NRG1: variants seen among roughly 807,000 people sequenced by gnomAD.
NRG1 encodes the protein neuregulin 1, also known as pro-neuregulin-1, membrane-bound isoform.
Under a neutral mutation model 63.8 loss-of-function variants are expected in NRG1, and 18 were observed. The ratio of observed to expected loss-of-function variants is 0.28; its 90% CI spans 0.19 to 0.42. The LOEUF is 0.42. NRG1 is among the 10% of genes least tolerant of loss of function. The pLI, the probability that NRG1 is intolerant of heterozygous loss-of-function variation, is 1.00. For missense variants in NRG1, 762 were observed against 814.7 expected, an observed-to-expected ratio of 0.94 and a Z score of 0.79; for synonymous variants, 302 against 301.3, an observed-to-expected ratio of 1.00 and a Z score of -0.02.
intron 1 of NRG1, among the ~76,000 whole-genome samples, chr8:32,496,930 G>A (rs993608757): frequency 2.0e-5 from 3 of 152,104 alleles, no homozygotes; most frequent in African/African-American, 7.2e-5. Context: ...AGGAAAAGCA[G>A]ATGTAAGTTC....
chr8:32,052,171 G>C (rs755269680), intron 1 of NRG1, among the ~76,000 whole-genome samples: 16 of 152,100 alleles, frequency 1.1e-4, no homozygotes, highest in Non-Finnish European at 2.4e-4. Flanking sequence ...ATCTCAAAAG[G>C]GATATTAAGC....
At chr8:32,282,458 T>C (rs1852980882) in intron 1 of NRG1, among the ~76,000 whole-genome samples, 2 of 152,242 alleles carry the variant, frequency 1.3e-5, no homozygotes, top group South Asian at 4.1e-4. Context: ...GCATGCTCTC[T>C]GTCCAGCTGT....
intron 1 of NRG1, among the ~76,000 whole-genome samples, chr8:31,758,751 G>T (rs1817234878): frequency 6.6e-6 from 1 of 152,058 alleles, no homozygotes; most frequent in Non-Finnish European, 1.5e-5. Context: ...AATTTTTTAT[G>T]CCAATTGGCT....
rs112464769 is a variant in NRG1 at position 32,533,517 on chromosome 8, T to C, written c.38-62311T>C. 3.8e-3 allele frequency among the ~76,000 whole-genome samples: 582 copies of C among 152,210 alleles called. 2 individuals are homozygous for C. Among genetic ancestry groups the C allele is most frequent in the African/African-American group, 0.013 (557 of 41,582 alleles). ...CTTTAAATAATCACAGAACACGCTG[T>C]TTTAGGATCAGGTAGAAGCTGAGAC... is the stretch of plus-strand genomic sequence containing the variant. On this transcript the variant is annotated intron_variant, in intron 1 of 10. Coordinates refer to the NRG1 transcript ENST00000519301.
At chr8:32,222,267 T>C (rs1347622494) in intron 1 of NRG1, among the ~76,000 whole-genome samples, 1 of 152,092 alleles carries the variant, frequency 6.6e-6, no homozygotes, top group Non-Finnish European at 1.5e-5. Flanking sequence ...TAAAAATGAG[T>C]GGGCTCTCAC....
chr8:31,948,975 G>A (rs544477124), intron 1 of NRG1, among the ~76,000 whole-genome samples: 6 of 152,066 alleles, frequency 3.9e-5, no homozygotes, highest in Non-Finnish European at 8.8e-5. Flanking sequence ...CAATTCAATT[G>A]CCATTCAATT....
At chr8:31,775,514 A>G (rs1457170567) in intron 1 of NRG1, among the ~76,000 whole-genome samples, 1 of 152,198 alleles carries the variant, frequency 6.6e-6, no homozygotes, top group Non-Finnish European at 1.5e-5. Flanking sequence ...GGCAATGGTC[A>G]CACTAAAAGC....
At chr8:32,362,724 A>C (rs1181953684) in intron 1 of NRG1, among the ~76,000 whole-genome samples, 1 of 152,252 alleles carries the variant, frequency 6.6e-6, no homozygotes, top group Non-Finnish European at 1.5e-5. Context: ...ATTGCAATGC[A>C]AAAGATTTTG....
intron 1 of NRG1, among the ~76,000 whole-genome samples, chr8:32,151,800 C>T (rs572341073): frequency 4.6e-5 from 7 of 152,206 alleles, no homozygotes; most frequent in African/African-American, 1.4e-4. Flanking sequence ...ACCTATGAGG[C>T]GCAGTGCCTT....
intron 1 of NRG1, among the ~76,000 whole-genome samples, chr8:32,262,917 CCA>C (rs1363575057): frequency 1.3e-5 from 2 of 152,168 alleles, no homozygotes; most frequent in Non-Finnish European, 2.9e-5. Flanking sequence ...GCCACTCATA[CCA>C]TCCCTTTATC....
intron 1 of NRG1, among the ~76,000 whole-genome samples, chr8:32,294,519 G>A (rs1854609253): frequency 6.6e-6 from 1 of 152,128 alleles, no homozygotes; most frequent in South Asian, 2.1e-4. Flanking sequence ...TTCCAGCCCT[G>A]TGTAGAATCA....
chr8:31,760,620 C>G (rs567906838), intron 1 of NRG1, among the ~76,000 whole-genome samples: 16 of 151,642 alleles, frequency 1.1e-4, no homozygotes, highest in Admixed American at 9.2e-4. Context: ...AAACAAACAA[C>G]CCCATCAAAA....
At chr8:31,906,161 C>T (rs995323581) in intron 1 of NRG1, among the ~76,000 whole-genome samples, 12 of 152,148 alleles carry the variant, frequency 7.9e-5, no homozygotes, top group African/African-American at 2.4e-5. Context: ...GCCAAAGCTG[C>T]CATTTTAAAG....
At chr8:32,366,484 T>C (rs1252855964) in intron 1 of NRG1, among the ~76,000 whole-genome samples, 1 of 152,010 alleles carries the variant, frequency 6.6e-6, no homozygotes, top group Non-Finnish European at 1.5e-5. Context: ...TCACTTAACA[T>C]AATGACATCC....
chr8:32,671,880 G>A (rs925976606), intron 5 of NRG1, among the ~76,000 whole-genome samples: 5 of 152,072 alleles, frequency 3.3e-5, no homozygotes, highest in Non-Finnish European at 7.4e-5. Context: ...TCCACTTTAA[G>A]TGAAAAGAAA....
intron 1 of NRG1, among the ~76,000 whole-genome samples, chr8:32,515,611 T>G (rs1201184001): frequency 6.6e-6 from 1 of 152,000 alleles, no homozygotes; most frequent in African/African-American, 2.4e-5. Flanking sequence ...CCCAGCTCAT[T>G]AAAAAAAATT....
chr8:32,072,033 C>G (rs1005730467), intron 1 of NRG1, among the ~76,000 whole-genome samples: 5 of 151,988 alleles, frequency 3.3e-5, no homozygotes, highest in Non-Finnish European at 7.4e-5. Context: ...TCTTTTTTAA[C>G]TTCTTAAACC....
At chr8:32,191,482 C>T (rs1842488748) in intron 1 of NRG1, among the ~76,000 whole-genome samples, 1 of 152,174 alleles carries the variant, frequency 6.6e-6, no homozygotes, top group Non-Finnish European at 1.5e-5. Flanking sequence ...CGACTCTTCC[C>T]TTCCTATGTT....
intron 1 of NRG1, among the ~76,000 whole-genome samples, chr8:31,908,430 C>T (rs1034823087): frequency 1.6e-4 from 24 of 152,180 alleles, no homozygotes; most frequent in African/African-American, 5.5e-4. Flanking sequence ...AGGTAACACT[C>T]ACTGGTGGCA....
Sources: allele counts gnomAD v4.1 joint callset (sites outside exome capture counted in the v4.1 genomes callset), GRCh38; gene constraint gnomAD v4.1.1; transcripts MANE v1.5; gene names NCBI Gene and HGNC (gene_info 2026-07-23, HGNC 2026-07-21).